Variants in GALNT13 observed in about 807,000 individuals in gnomAD.
GALNT13 encodes polypeptide N-acetylgalactosaminyltransferase 13, also known as UDP-GalNAc:polypeptide N-acetylgalactosaminyltransferase 13.
In GALNT13, 28 loss-of-function variants were observed where a neutral mutation model predicts 64.2. That is an observed-to-expected ratio of 0.44 (90% CI 0.32 to 0.60). The LOEUF (loss-of-function observed/expected upper bound fraction) is 0.60. Among genes scored for constraint, GALNT13 ranks in the 20% least tolerant of loss-of-function variants. The probability of loss-of-function intolerance (pLI) is 0.05; values close to 1 mark genes in which losing one functional copy is unlikely to be tolerated. For missense variants in GALNT13, 577 were observed against 669.8 expected, an observed-to-expected ratio of 0.86 and a Z score of 1.53; for synonymous variants, 214 against 224.6, an observed-to-expected ratio of 0.95 and a Z score of 0.42.
the GALNT13 span, among the ~76,000 whole-genome samples, chr2:153,686,945 A>G: frequency 6.6e-6 from 1 of 152,070 alleles, no homozygotes; most frequent in Non-Finnish European, 1.5e-5. Context: ...AATCACATTT[A>G]TTGATTTGCA....
At chr2:153,657,583 A>C in the GALNT13 span, among the ~76,000 whole-genome samples, 1 of 152,116 alleles carries the variant, frequency 6.6e-6, no homozygotes, top group Non-Finnish European at 1.5e-5. Flanking sequence ...GTCAGGAAGC[A>C]ATGCCTGAGG....
intron 1 of GALNT13, among the ~76,000 whole-genome samples, chr2:153,886,712 G>A (rs982701862): frequency 1.3e-5 from 2 of 151,962 alleles, no homozygotes; most frequent in African/African-American, 2.4e-5. Flanking sequence ...ATCTTGATTT[G>A]AGGACAGTAA....
At chr2:153,728,955 G>A in the GALNT13 span, among the ~76,000 whole-genome samples, 4 of 152,140 alleles carry the variant, frequency 2.6e-5, no homozygotes, top group Non-Finnish European at 4.4e-5. Context: ...TCAAATCCCT[G>A]AATAGACCAA....
At chr2:153,547,786 A>C in the GALNT13 span, among the ~76,000 whole-genome samples, 1 of 152,140 alleles carries the variant, frequency 6.6e-6, no homozygotes, top group Admixed American at 6.6e-5. Flanking sequence ...AGTGTTAAGG[A>C]ACTTGGGCTC....
At chr2:154,018,504 G>GA (rs1024881186) in intron 3 of GALNT13, among the ~76,000 whole-genome samples, 17 of 152,188 alleles carry the variant, frequency 1.1e-4, no homozygotes, top group African/African-American at 3.6e-4. Context: ...TTATTAGCTT[G>GA]TGTGTATAGG....
intron 3 of GALNT13, among the ~76,000 whole-genome samples, chr2:153,978,360 C>G (rs545650872): frequency 6.6e-6 from 1 of 152,166 alleles, no homozygotes; most frequent in Admixed American, 6.5e-5. Context: ...TTTTGCTTTC[C>G]TCTTTGTTTT....
intron 3 of GALNT13, among the ~76,000 whole-genome samples, chr2:153,958,811 T>C (rs183167564): frequency 2.6e-5 from 4 of 152,086 alleles, no homozygotes; most frequent in Non-Finnish European, 5.9e-5. Flanking sequence ...CAAATGGCTG[T>C]GGAAGAGAGA....
the GALNT13 span, among the ~76,000 whole-genome samples, chr2:153,825,023 C>A: frequency 6.6e-6 from 1 of 152,194 alleles, no homozygotes; most frequent in African/African-American, 2.4e-5. Context: ...TACCCAGTCT[C>A]AGGTAGTTCT....
At chr2:153,909,702 T>C (rs913731132) in intron 2 of GALNT13, among the ~76,000 whole-genome samples, 1 of 152,204 alleles carries the variant, frequency 6.6e-6, no homozygotes. Context: ...GTTTTGACTT[T>C]TACCTCTGTT....
chr2:153,078,885 T>C, the GALNT13 span, among the ~76,000 whole-genome samples: 2 of 152,156 alleles, frequency 1.3e-5, no homozygotes, highest in South Asian at 4.1e-4. Context: ...TGCATTGTAT[T>C]AGACTCCTGG....
downstream of GALNT13, among the ~76,000 whole-genome samples, chr2:154,454,174 A>C (rs1701977787): frequency 2.0e-5 from 3 of 152,202 alleles, no homozygotes; most frequent in African/African-American, 7.2e-5. Flanking sequence ...AGATTTTTAA[A>C]GGACTTTACA....
chr2:153,292,948 C>G, the GALNT13 span, among the ~76,000 whole-genome samples: 1 of 152,032 alleles, frequency 6.6e-6, no homozygotes, highest in Non-Finnish European at 1.5e-5. Flanking sequence ...GTTGCAGAGC[C>G]TAGGTGAAGT....
At position 153,912,300 on chromosome 2, in the gene GALNT13, C is replaced by A. The variant is rs145069070; in HGVS notation, c.-105+11293C>A. Among the ~76,000 whole-genome samples the A allele has an allele frequency of 4.1e-3, 617 of 152,104 alleles. 3 individuals carry two copies. Among genetic ancestry groups the A allele is most frequent in the African/African-American group, 0.014 (590 of 41,482 alleles). On this transcript the variant is annotated intron_variant, in intron 2 of 12. Coordinates refer to ENST00000392825, the MANE Select transcript of GALNT13 (RefSeq NM_052917.4). ...TACTGGCTATTTTGTCTATCAGATT[C>A]TGTGTCATTTTATTATGATTCTTAG...
the GALNT13 span, among the ~76,000 whole-genome samples, chr2:153,365,179 G>A: frequency 6.6e-6 from 1 of 152,152 alleles, no homozygotes; most frequent in African/African-American, 2.4e-5. Flanking sequence ...TGGGAAAACT[G>A]GCTAGCCGTA....
chr2:154,135,656 T>C (rs1483686889), intron 3 of GALNT13, among the ~76,000 whole-genome samples: 1 of 152,174 alleles, frequency 6.6e-6, no homozygotes, highest in Non-Finnish European at 1.5e-5. Context: ...CTGAATCCCC[T>C]TATTTTATTA....
the GALNT13 span, among the ~76,000 whole-genome samples, chr2:153,341,514 A>G: frequency 6.6e-6 from 1 of 152,226 alleles, no homozygotes; most frequent in Non-Finnish European, 1.5e-5. Context: ...ACAGCATATC[A>G]ATGATTAGCC....
At chr2:154,256,811 T>C (rs927002640) in intron 7 of GALNT13, among the ~76,000 whole-genome samples, 1 of 151,834 alleles carries the variant, frequency 6.6e-6, no homozygotes, top group Non-Finnish European at 1.5e-5. Flanking sequence ...CAATTGACTG[T>C]TTGGTTGCTT....
chr2:154,443,504 G>A (rs1011904898), intron 12 of GALNT13, among the ~76,000 whole-genome samples: 2 of 152,056 alleles, frequency 1.3e-5, no homozygotes, highest in Middle Eastern at 3.4e-3. Flanking sequence ...TAACATAATT[G>A]ATTGGGTTTT....
the GALNT13 span, among the ~76,000 whole-genome samples, chr2:153,259,329 A>G: frequency 2.7e-5 from 4 of 150,074 alleles, no homozygotes; most frequent in Admixed American, 6.6e-5. Context: ...TAGGTGTAGT[A>G]TGTTTCTTAT....
Sources: allele counts gnomAD v4.1 joint callset (sites outside exome capture counted in the v4.1 genomes callset), GRCh38; gene constraint gnomAD v4.1.1; transcripts MANE v1.5; gene names NCBI Gene and HGNC (gene_info 2026-07-23, HGNC 2026-07-21).